Variants in VPS37A observed in about 807,000 individuals in gnomAD.
VPS37A encodes vacuolar protein sorting-associated protein 37A.
In VPS37A, 30 loss-of-function variants were observed where a neutral mutation model predicts 49.8. The ratio of observed to expected loss-of-function variants is 0.60; its 90% confidence interval spans 0.45 to 0.82. The LOEUF (loss-of-function observed/expected upper bound fraction) is 0.82. VPS37A is among the 40% of genes least tolerant of loss of function. VPS37A has a pLI of 0.00. For synonymous variants in VPS37A, 195 were observed against 160.6 expected (o/e 1.21, Z -1.62); for missense variants, 593 against 464.4 (o/e 1.28, Z -2.55).
chr8:17,266,849 T>G (rs1585977374), intron 2 of VPS37A, among the ~76,000 whole-genome samples: 2 of 152,164 alleles, frequency 1.3e-5, no homozygotes, highest in South Asian at 4.1e-4. Flanking sequence ...TCTTGGCCAC[T>G]GCAACCTCCG....
chr8:17,303,971 C>A (rs1033074453), downstream of VPS37A, among the ~76,000 whole-genome samples: 1 of 152,162 alleles, frequency 6.6e-6, no homozygotes, highest in African/African-American at 2.4e-5. Context: ...AAAGTAATTG[C>A]GGTTTTTGCC....
chr8:17,304,746 C>CGTGTGTGTGTGTGTGTGTGTGT (rs10527892), downstream of VPS37A, among the ~76,000 whole-genome samples: 5,727 of 147,034 alleles, frequency 0.039, 221 homozygotes, highest in African/African-American at 0.088. Context: ...GTGTTCGATT[C>CGTGTGTGTGTGTGTGTGTGTGT]GTGTGTGTGT....
At chr8:17,305,655 C>T, downstream of VPS37A, 1 of 1,004,410 alleles carries the variant, frequency 1.0e-6, no homozygotes, top group Non-Finnish European at 1.5e-6. Flanking sequence ...AGGTATGTGA[C>T]TAAATGAAAA....
chr8:17,279,902 T>G, intron 6 of VPS37A, 126 bp from the exon 7 acceptor site: 1 of 1,156,892 alleles, frequency 8.6e-7, no homozygotes, highest in Non-Finnish European at 1.3e-6. Flanking sequence ...CTGGCAGCCT[T>G]AGGTGTATAT....
At chr8:17,321,425 G>C in the VPS37A span, among the ~76,000 whole-genome samples, 1 of 152,206 alleles carries the variant, frequency 6.6e-6, no homozygotes, top group Non-Finnish European at 1.5e-5. Context: ...TTAACATTGC[G>C]TGTGCTAAGT....
intron 6 of VPS37A, among the ~76,000 whole-genome samples, chr8:17,278,489 C>T (rs1430129483): frequency 1.3e-5 from 2 of 152,060 alleles, no homozygotes; most frequent in Non-Finnish European, 2.9e-5. Context: ...AGTTGCTGCA[C>T]TATCTGTCTC....
At position 17,247,349 on chromosome 8, in the gene VPS37A, C is replaced by A. The variant is rs1216172543; in HGVS notation, c.105C>A (p.Ser35=). The change falls in exon 1 of 12, where the codon TCC becomes TCA. Residue 35 remains serine, a synonymous_variant. Coordinates refer to ENST00000324849, the MANE Select transcript of VPS37A (RefSeq NM_152415.3). The part of the protein sequence containing the change: ...LQQQKQRLIE[S]LRNSHSSIAE... Reference sequence around the variant, plus strand: ...AGCAGAAGCAGCGCCTGATCGAGTCCCTCCGGAACTCACACTCCAGGTGAC... The same window carrying A: ...AGCAGAAGCAGCGCCTGATCGAGTCACTCCGGAACTCACACTCCAGGTGAC... The A allele has an allele frequency of 3.2e-6, 5 of 1,553,434 alleles. No individual in the cohort carries two copies. Among genetic ancestry groups the A allele is most frequent in the African/African-American group, 2.7e-5 (2 of 73,106 alleles).
chr8:17,298,580 T>C (rs1816894411), downstream of VPS37A: 1 of 152,398 alleles, frequency 6.6e-6, no homozygotes, highest in African/African-American at 2.4e-5. Context: ...TTGATGTAAA[T>C]TGTAAAGTTT....
chr8:17,314,909 G>A, the VPS37A span, among the ~76,000 whole-genome samples: 19 of 152,132 alleles, frequency 1.2e-4, no homozygotes, highest in African/African-American at 4.6e-4. Flanking sequence ...AGCATCACAG[G>A]CAGGAAGACA....
rs542520743 is a variant in VPS37A, at chr8:17,273,236, G to A, written c.417-1497G>A. ...CAAAAGCCCATCCTACTTCATTGCC[G>A]TCAGTGCTGCTCCAGTAAATAATCT... On this transcript the variant is annotated intron_variant, in intron 4 of 11. Transcript: ENST00000324849. Among the ~76,000 whole-genome samples the A allele has an allele frequency of 1.5e-4, 23 of 151,904 alleles. 1 individual carries two copies. The highest frequency in any genetic ancestry group is 1.4e-3 in the East Asian group (7 of 5,162).
At chr8:17,298,787 G>A (rs1226968464), downstream of VPS37A, 1 of 152,410 alleles carries the variant, frequency 6.6e-6, no homozygotes, top group African/African-American at 2.4e-5. Flanking sequence ...GATAGGGGAG[G>A]GACTCTCCCT....
At chr8:17,268,991 T>C in intron 4 of VPS37A, 35 bp downstream of exon 4, 1 of 1,350,482 alleles carries the variant, frequency 7.4e-7, no homozygotes, top group Non-Finnish European at 1.0e-6. Flanking sequence ...AAAGTCTGCC[T>C]GTATTTTAAT....
chr8:17,256,049 C>CTGGGT (rs1812416165), intron 1 of VPS37A, among the ~76,000 whole-genome samples: 6 of 151,888 alleles, frequency 4.0e-5, no homozygotes, highest in Non-Finnish European at 7.4e-5. Context: ...GCAATATACC[C>CTGGGT]AGTAGCAGAA....
chr8:17,248,179 T>C, intron 1 of VPS37A: 2 of 376,424 alleles, frequency 5.3e-6, no homozygotes, highest in Non-Finnish European at 5.2e-6. Flanking sequence ...TTCTTTATAT[T>C]TTATGCATTT....
At chr8:17,316,063 C>T in the VPS37A span, among the ~76,000 whole-genome samples, 1 of 152,158 alleles carries the variant, frequency 6.6e-6, no homozygotes, top group Non-Finnish European at 1.5e-5. Context: ...TGTCATCCTG[C>T]TTCTTTCCTA....
chr8:17,294,329 A>T (rs542581118), intron 11 of VPS37A, among the ~76,000 whole-genome samples: 94 of 152,042 alleles, frequency 6.2e-4, no homozygotes, highest in Non-Finnish European at 1.1e-3. Flanking sequence ...TCCCAGGTCG[A>T]CCTCAGACTG....
chr8:17,262,836 G>A (rs1813083188), intron 1 of VPS37A, among the ~76,000 whole-genome samples: 1 of 152,058 alleles, frequency 6.6e-6, no homozygotes, highest in Non-Finnish European at 1.5e-5. Flanking sequence ...GCCGAGGCGG[G>A]CAGATCACGA....
downstream of VPS37A, chr8:17,302,307 T>TA: frequency 6.2e-7 from 1 of 1,608,032 alleles, no homozygotes; most frequent in Non-Finnish European, 8.5e-7. Context: ...AGCGTCGTGA[T>TA]ACCACCTTAT....
At chr8:17,286,505 G>C (rs1338924034) in intron 11 of VPS37A, 78 bp downstream of exon 11, 2 of 1,264,080 alleles carry the variant, frequency 1.6e-6, no homozygotes, top group East Asian at 4.9e-5. Flanking sequence ...AACGGTGCCT[G>C]TTCATCAGCC....
Sources: gnomAD v4.1 joint callset for allele counts (sites outside exome capture counted in the v4.1 genomes callset) on GRCh38, gnomAD v4.1.1 for gene constraint, MANE v1.5 for transcripts, NCBI Gene and HGNC (gene_info 2026-07-23, HGNC 2026-07-21) for gene names.